The following ZNF268 variants were observed in gnomAD, a reference collection of about 807,000 sequenced individuals.
ZNF268 encodes zinc finger protein 268, also known as zinc finger protein 3.
A neutral mutation model predicts 29.3 loss-of-function variants in ZNF268; 20 were observed. The observed-to-expected ratio is 0.68, with a 90% CI of 0.48 to 0.99. The LOEUF is 0.99. Among genes scored for constraint, ZNF268 ranks in the 50% least tolerant of loss-of-function variants. ZNF268 has a pLI of 0.00. For missense variants in ZNF268, 1,240 were observed against 1,121.6 expected (o/e 1.11, Z -1.51); for synonymous variants, 429 against 376.9 (o/e 1.14, Z -1.60).
chr12:133,202,411 C>G lies in ZNF268; in HGVS notation c.725C>G (p.Thr242Ser). The change falls in exon 6 of 6, where the codon ACT (threonine) becomes AGT (serine). Residue 242 changes from threonine (T) to serine (S), a missense_variant. Thr to Ser is a moderately conservative substitution (Grantham distance 58). Coordinates refer to ENST00000536435, the MANE Select transcript of ZNF268 (RefSeq NM_003415.3). ...KSFFHSKHEQ[T>S]VIGIKYCESI... ...TTCTTCCATTCTAAACATGAGCAAA[C>G]TGTTATTGGAATAAAATACTGTGAA... 6.2e-7 allele frequency: 1 copy of G among 1,610,956 alleles called. No homozygotes were observed. The highest frequency in any genetic ancestry group is 2.2e-5 in the East Asian group (1 of 44,840).
In ZNF268 at chr12:133,205,581, C is replaced by A. The variant is rs192441056; in HGVS notation, c.*1051C>A. ...ACCAACATTGTTTCTTTGTGTCTTA[C>A]CAAATGCAACTTGTTACTAGAATAT... On this transcript the variant is annotated 3_prime_UTR_variant, in exon 6 of 6. Transcript: ENST00000536435. The A allele has an allele frequency of 1.2e-3, 190 of 152,230 alleles. No homozygotes were observed. The highest frequency in any genetic ancestry group is 4.3e-3 in the African/African-American group (178 of 41,530). 9.4% of individuals were successfully genotyped at this position (152,230 alleles called of 1,614,324 possible).
intron 5 of ZNF268, among the ~76,000 whole-genome samples, chr12:133,192,740 G>T (rs1300962268): frequency 6.6e-6 from 1 of 151,906 alleles, no homozygotes; most frequent in Non-Finnish European, 1.5e-5. Flanking sequence ...TGCAATCTCG[G>T]CTCACTGCAA....
At chr12:133,188,123 T>A (rs1323575665) in intron 3 of ZNF268, 51 bp downstream of exon 3, 1 of 1,503,146 alleles carries the variant, frequency 6.7e-7, no homozygotes, top group African/African-American at 1.4e-5. Flanking sequence ...ACCTTTTTTT[T>A]TTTTGGTGCA....
rs1264554288 is a variant in ZNF268, at chr12:133,205,745, C to T, written c.*1215C>T. The stretch of plus-strand genomic sequence containing the variant: ...GTGTTTGTGTAGCCTGGAATCTATT[C>T]TACCTTCACAGGTTAGAACATCTTG... On this transcript the variant is annotated 3_prime_UTR_variant, in exon 6 of 6. Transcript: ENST00000536435. 4 of 152,186 alleles carry T rather than the reference C, an allele frequency of 2.6e-5. No individual in the cohort carries two copies. Among genetic ancestry groups the T allele is most frequent in the African/African-American group, 9.7e-5 (4 of 41,450 alleles). 9.4% of individuals were successfully genotyped at this position (152,186 alleles called of 1,614,324 possible).
At position 133,191,440 on chromosome 12, in the gene ZNF268, A is replaced by G. The variant is rs190400311; in HGVS notation, c.235-49A>G. 1.1e-4 allele frequency: 183 copies of G among 1,612,108 alleles called. 2 individuals carry two copies. In the East Asian group the frequency reaches 2.9e-3, roughly 26 times the overall value. On this transcript the variant is annotated intron_variant, in intron 3 of 5. Transcript: ENST00000536435. ...GGACACCCTAAACAGCTAGTTTTCC[A>G]CAAACCTAGTAAAATAACTTGAAAT...
At chr12:133,199,946 C>G (rs1049338358) in intron 5 of ZNF268, among the ~76,000 whole-genome samples, 2 of 152,082 alleles carry the variant, frequency 1.3e-5, no homozygotes, top group African/African-American at 2.4e-5. Flanking sequence ...TGCTAGCGGT[C>G]TATCAATTTT....
rs925499444 is a variant in ZNF268, at chr12:133,211,804, T to A, written c.*7274T>A. On this transcript the variant is annotated 3_prime_UTR_variant, in exon 6 of 6. Transcript: ENST00000536435. ...ATAGTATAGCCACTTTGGAAGATAG[T>A]TTGACTTTTCCCCAAAGCTAAACAA... The A allele has an allele frequency of 1.3e-5, 2 of 152,212 alleles. No homozygotes were observed. Among genetic ancestry groups the A allele is most frequent in the African/African-American group, 4.8e-5 (2 of 41,452 alleles). 9.4% of individuals were successfully genotyped at this position (152,212 alleles called of 1,614,324 possible).
At chr12:133,198,351 G>A (rs1166413474) in intron 5 of ZNF268, among the ~76,000 whole-genome samples, 2 of 150,136 alleles carry the variant, frequency 1.3e-5, no homozygotes, top group Non-Finnish European at 1.5e-5. Context: ...TTGTAGATAT[G>A]CGGCATTATT....
intron 2 of ZNF268, 103 bp downstream of exon 2, chr12:133,182,133 C>A: frequency 8.4e-7 from 1 of 1,192,918 alleles, no homozygotes; most frequent in Non-Finnish European, 1.2e-6. Flanking sequence ...TTTCTCACCC[C>A]ACCGCTCTTT....
chr12:133,196,960 CTTTT>C (rs142022636), intron 5 of ZNF268, among the ~76,000 whole-genome samples: 1 of 136,948 alleles, frequency 7.3e-6, no homozygotes, highest in Non-Finnish European at 1.6e-5. Context: ...GCTCTGCTTT[CTTTT>C]TTTTTTAATA....
intron 5 of ZNF268, among the ~76,000 whole-genome samples, chr12:133,199,329 G>A (rs915530102): frequency 1.8e-4 from 27 of 151,906 alleles, no homozygotes; most frequent in African/African-American, 6.1e-4. Flanking sequence ...TTTATATGCT[G>A]GATTACATGT....
rs1328862930 is a variant in ZNF268 at position 133,208,162 on chromosome 12, T to C, written c.*3632T>C. On this transcript the variant is annotated 3_prime_UTR_variant, in exon 6 of 6. Coordinates refer to ENST00000536435, the MANE Select transcript of ZNF268 (RefSeq NM_003415.3). Reference sequence around the variant, plus strand: ...AGGAGTTCGAGACAAGCCTGACCAATATAGGGAGACCCTGTCTGTACAAAA... The same window carrying C: ...AGGAGTTCGAGACAAGCCTGACCAACATAGGGAGACCCTGTCTGTACAAAA... 2 of 151,788 alleles carry C rather than the reference T, an allele frequency of 1.3e-5. No individual in the cohort carries two copies. Among genetic ancestry groups the C allele is most frequent in the African/African-American group, 4.8e-5 (2 of 41,302 alleles). 9.4% of individuals were successfully genotyped at this position (151,788 alleles called of 1,614,324 possible).
intron 5 of ZNF268, among the ~76,000 whole-genome samples, chr12:133,193,939 T>G (rs967210183): frequency 6.6e-6 from 1 of 152,178 alleles, no homozygotes; most frequent in African/African-American, 2.4e-5. Context: ...AAATTCTAAG[T>G]TTTTTTTCCT....
chr12:133,198,646 A>G lies in ZNF268; in HGVS notation c.458-3498A>G, dbSNP rs1386247262. On this transcript the variant is annotated intron_variant, in intron 5 of 5. Transcript: ENST00000536435. ...TGGGCAGTATGGCCATTTTCACGAT[A>G]TAGATTCTTCCTACCCATGAGCATG... 3.9e-5 allele frequency among the ~76,000 whole-genome samples: 6 copies of G among 151,992 alleles called. No individual in the cohort carries two copies. In the South Asian group the frequency reaches 8.3e-4, roughly 21 times the overall value.
intron 2 of ZNF268, among the ~76,000 whole-genome samples, chr12:133,186,629 C>T (rs940797531): frequency 3.3e-5 from 5 of 151,914 alleles, no homozygotes; most frequent in African/African-American, 4.8e-5. Flanking sequence ...TCACCTGCCT[C>T]GACCTCTCAA....
intron 2 of ZNF268, among the ~76,000 whole-genome samples, chr12:133,182,468 T>A (rs959696203): frequency 6.6e-6 from 1 of 152,188 alleles, no homozygotes; most frequent in African/African-American, 2.4e-5. Flanking sequence ...TTATCATCCC[T>A]GTCTTGAAGA....
At position 133,203,236 on chromosome 12, in the gene ZNF268, T is replaced by C; in HGVS notation, c.1550T>C (p.Ile517Thr). 6.5e-7 allele frequency: 1 copy of C among 1,537,962 alleles called. No individual in the cohort carries two copies. The highest frequency in any genetic ancestry group is 8.7e-7 in the Non-Finnish European group (1 of 1,146,878). Residue 517 changes from isoleucine to threonine, a missense_variant, in exon 6 of 6, where the codon ATA becomes ACA. This residue lies in a region of ZNF268 where 1,177 missense variants were observed against 1,039.6 expected (regional missense o/e 1.13). Coordinates refer to ENST00000536435, the MANE Select transcript of ZNF268 (RefSeq NM_003415.3). Reference sequence around the variant, plus strand: ...TTCAGGAGCAAGTCATACCTTATTATACATACAAGGACTCATACAGGAGAA... The same window carrying C: ...TTCAGGAGCAAGTCATACCTTATTACACATACAAGGACTCATACAGGAGAA... Reference protein sequence around the residue: ...KAFRSKSYLIIHTRTHTGEKL... With the variant: ...KAFRSKSYLITHTRTHTGEKL...
intron 2 of ZNF268, among the ~76,000 whole-genome samples, chr12:133,187,118 G>C (rs1294090045): frequency 6.6e-6 from 1 of 151,906 alleles, no homozygotes; most frequent in African/African-American, 2.4e-5. Context: ...AAAATGCCTT[G>C]GTGAACAGCC....
chr12:133,195,923 G>C (rs1433375245), intron 5 of ZNF268, among the ~76,000 whole-genome samples: 4 of 151,302 alleles, frequency 2.6e-5, no homozygotes, highest in African/African-American at 9.7e-5. Flanking sequence ...ATGTTGATCA[G>C]GCTGGTCTCG....
Sources: gnomAD v4.1 joint callset for allele counts (sites outside exome capture counted in the v4.1 genomes callset) on GRCh38, gnomAD v4.1.1 for gene constraint, gnomAD v4.1.1 regional missense constraint, MANE v1.5 for transcripts, NCBI Gene and HGNC (gene_info 2026-07-23, HGNC 2026-07-21) for gene names.